Variants in LZTR1 observed in about 807,000 individuals in gnomAD.
LZTR1 encodes the protein leucine-zipper-like transcriptional regulator 1.
A neutral mutation model predicts 105.7 loss-of-function variants in LZTR1; 260 were observed. The ratio of observed to expected loss-of-function variants is 2.46; its 90% CI spans 2.22 to 2.72. LZTR1 has a LOEUF of 2.72. Ranked by LOEUF, LZTR1 falls within the 30% of genes most tolerant of loss-of-function variation. The probability of loss-of-function intolerance (pLI) is 0.00; values close to 1 mark genes in which losing one functional copy is unlikely to be tolerated. For missense variants in LZTR1, 1,214 were observed against 1,166.9 expected (o/e 1.04, Z -0.59); for synonymous variants, 490 against 476.4 (o/e 1.03, Z -0.37).
At chr22:20,996,654 GC>G in intron 18 of LZTR1, 41 bp from the exon 19 acceptor site, 1 of 1,562,070 alleles carries the variant, frequency 6.4e-7, no homozygotes, top group Non-Finnish European at 8.8e-7. Flanking sequence ...GAGGGTGCGG[GC>G]GGACCAGCTT....
chr22:20,987,527 C>A lies in LZTR1; in HGVS notation c.344C>A (p.Pro115Gln). ...WCRAFTTGTP[P>Q]APRYHHSAVV... ...AGGGCCTTTACCACTGGGACCCCAC[C>A]GGCCCCCCGTTACCACCACTCGGCC... Residue 115 changes from proline (P) to glutamine (Q), a missense_variant, in exon 4 of 21, where the codon CCG becomes CAG. By Grantham distance (76) the Pro-to-Gln change is moderately conservative. Coordinates refer to ENST00000646124, the MANE Select transcript of LZTR1 (RefSeq NM_006767.4). 2 of 1,614,000 alleles carry A rather than the reference C, an allele frequency of 1.2e-6. No individual in the cohort carries two copies. Among genetic ancestry groups the A allele is most frequent in the Non-Finnish European group, 1.7e-6 (2 of 1,179,886 alleles).
At chr22:20,986,762 G>A (rs1924402410) in intron 3 of LZTR1, 1 of 152,204 alleles carries the variant, frequency 6.6e-6, no homozygotes, top group African/African-American at 2.4e-5. Flanking sequence ...TAGATAGATA[G>A]GTATTAAATG....
chr22:20,989,237 C>A (rs1053968580), intron 6 of LZTR1, among the ~76,000 whole-genome samples: 1 of 152,240 alleles, frequency 6.6e-6, no homozygotes, highest in Non-Finnish European at 1.5e-5. Flanking sequence ...GCTTTGCTCT[C>A]TTTTTCTGAT....
chr22:20,997,227 T>C lies in LZTR1; in HGVS notation c.2407-5T>C. 1 of 1,599,956 alleles carries C rather than the reference T, an allele frequency of 6.3e-7. No homozygotes were observed. The highest frequency in any genetic ancestry group is 8.6e-7 in the Non-Finnish European group (1 of 1,167,226). Reference sequence around the variant, plus strand: ...CCATCTCCTTCCGGCCTGCTTGCCTTACAGGTCTCCAAGTTGCCCACCCTG... The same window carrying C: ...CCATCTCCTTCCGGCCTGCTTGCCTCACAGGTCTCCAAGTTGCCCACCCTG... On this transcript the variant is annotated splice_region_variant and splice_polypyrimidine_tract_variant and intron_variant, in intron 20 of 20. Coordinates refer to ENST00000646124, the MANE Select transcript of LZTR1 (RefSeq NM_006767.4).
At position 20,988,062 on chromosome 22, in the gene LZTR1, C is replaced by T. The variant is rs142421078; in HGVS notation, c.453C>T (p.Asp151=). 1,238 of 1,613,482 alleles carry T rather than the reference C, an allele frequency of 7.7e-4. 3 individuals are homozygous for T. The highest frequency in any genetic ancestry group is 8.3e-4 in the Admixed American group (50 of 60,024). ...YSNSNLKNKN[D]LFEYKFATGQ... is the part of the protein sequence containing the mutation. ...ATTCTAACTTGAAGAATAAAAACGA[C>T]CTCTTTGAATACAAGTTTGCAACTG... The change falls in exon 5 of 21, where the codon GAC becomes GAT. Residue 151 remains aspartate (D), a synonymous_variant. Coordinates refer to ENST00000646124, the MANE Select transcript of LZTR1 (RefSeq NM_006767.4).
chr22:20,987,683 G>C, intron 4 of LZTR1, 100 bp downstream of exon 4: 1 of 1,086,570 alleles, frequency 9.2e-7, no homozygotes, highest in East Asian at 2.4e-5. Context: ...GCTGTGTACA[G>C]CAGGGGCTCT....
intron 3 of LZTR1, 100 bp from the exon 4 acceptor site, chr22:20,987,391 AAAAAAAAAAAAAG>A: frequency 3.7e-6 from 2 of 543,010 alleles, no homozygotes; most frequent in East Asian, 6.4e-5. Context: ...TCCGTCTCAA[AAAAAAAAAAAAAG>A]AAAAAAGAAA....
At chr22:20,994,756 T>G in intron 15 of LZTR1, 29 bp downstream of exon 15, 1 of 1,608,956 alleles carries the variant, frequency 6.2e-7, no homozygotes, top group Non-Finnish European at 8.5e-7. Flanking sequence ...GCAATCAGGG[T>G]TGGGTGGGGT....
chr22:20,992,700 A>G, intron 10 of LZTR1, 94 bp from the exon 11 acceptor site: 1 of 832,776 alleles, frequency 1.2e-6, no homozygotes, highest in Non-Finnish European at 2.0e-6. Flanking sequence ...CTTCATGGCC[A>G]TGAGGTGCCG....
rs1255497057 is a variant in LZTR1, at chr22:20,996,119, T to G, written c.2219+7T>G. The G allele has an allele frequency of 6.2e-7, 1 of 1,611,136 alleles. No homozygotes were observed. The highest frequency in any genetic ancestry group is 1.7e-5 in the Admixed American group (1 of 59,998). On this transcript the variant is annotated splice_region_variant and intron_variant, in intron 18 of 20. Coordinates refer to ENST00000646124, the MANE Select transcript of LZTR1 (RefSeq NM_006767.4). The stretch of plus-strand genomic sequence containing the variant: ...TGCCGCCCGAGGACTCGCTGCATCC[T>G]CACTCCCCAGTGAACTCCCAGGTCC...
At chr22:20,993,378 G>C (rs1924674369) in intron 11 of LZTR1, 1 of 545,040 alleles carries the variant, frequency 1.8e-6, no homozygotes, top group African/African-American at 1.9e-5. Flanking sequence ...AGTGGAGACG[G>C]CAGAGCTCTG....
Position 20,995,993 on chromosome 22 carries a change from G to A in LZTR1, c.2100G>A (p.Met700Ile). 6.2e-7 allele frequency: 1 copy of A among 1,613,758 alleles called. No individual in the cohort carries two copies. The highest frequency in any genetic ancestry group is 8.5e-7 in the Non-Finnish European group (1 of 1,180,028). ...SYFEAMFRSF[M>I]PEDGQVNISI... ...TTGAAGCCATGTTCCGGTCCTTCAT[G>A]CCCGAAGATGGGCAGGTGAACATCT... The change falls in exon 18 of 21, where the codon ATG becomes ATA. Residue 700 changes from methionine to isoleucine, a missense_variant. Met to Ile is a conservative substitution (Grantham distance 10). Coordinates refer to ENST00000646124, the MANE Select transcript of LZTR1 (RefSeq NM_006767.4).
rs754685052 is a variant in LZTR1 at position 20,994,710 on chromosome 22, C to T, written c.1768C>T (p.Gln590Ter). The T allele has an allele frequency of 2.5e-6, 4 of 1,611,866 alleles. No homozygotes were observed. The East Asian group carries it at 6.7e-5, about 27-fold the overall frequency. ...TGTGTGCGAGAGTGCCGCCCGGCTGCAGCTGAGCCAACTCAAGGTGTGGGG... is the reference window on the plus strand; with the variant it reads ...TGTGTGCGAGAGTGCCGCCCGGCTGTAGCTGAGCCAACTCAAGGTGTGGGG... The part of the protein sequence containing the change: ...LVVCESAARL[Q>*]LSQLKEHCLN... Residue 590 changes from glutamine to a stop codon, truncating the protein, a stop_gained, in exon 15 of 21, where the codon CAG (glutamine) becomes TAG (stop). Coordinates refer to ENST00000646124, the MANE Select transcript of LZTR1 (RefSeq NM_006767.4). LOFTEE classifies it high-confidence loss of function.
In LZTR1 at chr22:20,996,954, C is replaced by T. The variant is rs770445427; in HGVS notation, c.2394C>T (p.His798=). ...MKRHCLHIIV[H]QFTKVSKLPT... ...GGCACTGCCTGCACATCATTGTGCA[C>T]CAGTTCACCAAGGTCAGGGCTCTGG... The change falls in exon 20 of 21, where the codon CAC becomes CAT. Residue 798 remains histidine, a synonymous_variant. Transcript: ENST00000646124. 6.8e-6 allele frequency: 11 copies of T among 1,613,606 alleles called. No homozygotes were observed. The East Asian group carries it at 1.6e-4, about 23-fold the overall frequency.
In LZTR1 at chr22:20,996,079, A is replaced by G; in HGVS notation, c.2186A>G (p.Tyr729Cys). Residue 729 changes from tyrosine to cysteine, a missense_variant, in exon 18 of 21, where the codon TAC (tyrosine) becomes TGC (cysteine). Coordinates refer to ENST00000646124, the MANE Select transcript of LZTR1 (RefSeq NM_006767.4). ...AFESMLRYIY[Y>C]GEVNMPPEDS... ...GAGTCCATGCTGCGCTACATCTACTACGGCGAGGTCAACATGCCGCCCGAG... is the reference window on the plus strand; with the variant it reads ...GAGTCCATGCTGCGCTACATCTACTGCGGCGAGGTCAACATGCCGCCCGAG... 1.9e-6 allele frequency: 3 copies of G among 1,613,144 alleles called. No individual in the cohort carries two copies. The highest frequency in any genetic ancestry group is 2.5e-6 in the Non-Finnish European group (3 of 1,179,980).
intron 11 of LZTR1, among the ~76,000 whole-genome samples, chr22:20,993,163 T>C (rs1463045774): frequency 6.6e-6 from 1 of 152,180 alleles, no homozygotes; most frequent in Non-Finnish European, 1.5e-5. Context: ...CAAGCTGGGC[T>C]CAGCACCAGA....
intron 6 of LZTR1, 89 bp downstream of exon 6, chr22:20,988,961 AGGATTTTGAGTGCCTGGT>A: frequency 2.6e-6 from 3 of 1,175,962 alleles, no homozygotes; most frequent in Non-Finnish European, 3.8e-6. Flanking sequence ...TTAGGCTGGG[AGGATTTTGAGTGCCTGGT>A]GGATTTTGAG....
intron 3 of LZTR1, chr22:20,986,395 T>C (rs1356994539): frequency 2.0e-5 from 3 of 150,716 alleles, no homozygotes; most frequent in African/African-American, 7.4e-5. Context: ...GATAGATAGA[T>C]AGATAGATAG....
chr22:20,990,664 G>A (rs1027999175), intron 8 of LZTR1, 139 bp downstream of exon 8: 15 of 908,582 alleles, frequency 1.7e-5, no homozygotes, highest in Admixed American at 1.0e-4. Flanking sequence ...GTTACAGCCC[G>A]GAGCAGGGAT....
Sources: allele counts gnomAD v4.1 joint callset (sites outside exome capture counted in the v4.1 genomes callset), GRCh38; gene constraint gnomAD v4.1.1; transcripts MANE v1.5; gene names NCBI Gene and HGNC (gene_info 2026-07-23, HGNC 2026-07-21).